The following RNMT variants were observed in gnomAD, a reference collection of about 807,000 sequenced individuals.
RNMT encodes the protein mRNA cap guanine-N(7) methyltransferase.
A neutral mutation model predicts 56.0 loss-of-function variants in RNMT; 27 were observed. That is an observed-to-expected ratio of 0.48 (90% CI 0.36 to 0.67). RNMT has a LOEUF of 0.67. Among genes scored for constraint, RNMT ranks in the 30% least tolerant of loss-of-function variants. RNMT has a pLI of 0.00. For missense variants in RNMT, 519 were observed against 552.1 expected (o/e 0.94, Z 0.60); for synonymous variants, 184 against 176.2 (o/e 1.04, Z -0.35).
intron 9 of RNMT, among the ~76,000 whole-genome samples, chr18:13,751,643 T>C (rs758537038): frequency 2.6e-5 from 4 of 152,222 alleles, no homozygotes; most frequent in Non-Finnish European, 5.9e-5. Context: ...TTATAAATCA[T>C]GCTGCTACAA....
At chr18:13,727,502 C>G (rs1372640967) in intron 1 of RNMT, among the ~76,000 whole-genome samples, 1 of 152,206 alleles carries the variant, frequency 6.6e-6, no homozygotes, top group Non-Finnish European at 1.5e-5. Context: ...CACATATTTG[C>G]AGGTGCAGGT....
chr18:13,756,099 T>C (rs1011205597), intron 11 of RNMT, among the ~76,000 whole-genome samples: 6 of 152,320 alleles, frequency 3.9e-5, no homozygotes, highest in Non-Finnish European at 8.8e-5. Flanking sequence ...AGGCTACATT[T>C]TAGACTTCTA....
Position 13,761,898 on chromosome 18 carries a change from G to T in RNMT, c.*1919G>T. 9.4e-6 allele frequency: 10 copies of T among 1,061,428 alleles called. No individual in the cohort carries two copies. The highest frequency in any genetic ancestry group is 7.3e-5 in the South Asian group (3 of 41,238). 65.8% of individuals were successfully genotyped at this position (1,061,428 alleles called of 1,614,324 possible). On this transcript the variant is annotated 3_prime_UTR_variant, in exon 12 of 12. Transcript: ENST00000383314. ...GTCTCCTTGTTACAATTAAGTTTCTGGATATTGACTTAAGAACTGTTAGGA... is the reference window on the plus strand; with the variant it reads ...GTCTCCTTGTTACAATTAAGTTTCTTGATATTGACTTAAGAACTGTTAGGA...
chr18:13,729,971 G>A (rs1339189861), intron 1 of RNMT, among the ~76,000 whole-genome samples: 1 of 152,004 alleles, frequency 6.6e-6, no homozygotes, highest in Non-Finnish European at 1.5e-5. Flanking sequence ...GCTATTTTTT[G>A]TAGAGACGGG....
chr18:13,737,788 C>G (rs1347615629), intron 5 of RNMT, among the ~76,000 whole-genome samples: 2 of 150,460 alleles, frequency 1.3e-5, no homozygotes, highest in Non-Finnish European at 1.5e-5. Flanking sequence ...TGCTAAGAAA[C>G]TATTCTGAAA....
At chr18:13,744,609 C>T (rs914013949) in intron 8 of RNMT, among the ~76,000 whole-genome samples, 4 of 152,140 alleles carry the variant, frequency 2.6e-5, no homozygotes, top group Admixed American at 1.3e-4. Context: ...AAATGAACTG[C>T]CTGGAATAAA....
Position 13,762,294 on chromosome 18 carries a change from G to T in RNMT, c.*2315G>T. ...GCTGATGTTGAATTCTTTGGGCCTA[G>T]AATATACTTGAGAAAGCACTAGTGG... On this transcript the variant is annotated 3_prime_UTR_variant, in exon 12 of 12. Coordinates refer to ENST00000383314, the MANE Select transcript of RNMT (RefSeq NM_003799.3). The T allele has an allele frequency of 2.5e-5, 26 of 1,060,450 alleles. No individual in the cohort carries two copies. Among genetic ancestry groups the T allele is most frequent in the Non-Finnish European group, 3.0e-5 (23 of 756,160 alleles). 65.7% of individuals were successfully genotyped at this position (1,060,450 alleles called of 1,614,324 possible). A position where few individuals can be genotyped will look rare whatever the true frequency, so the allele number is the denominator to read the frequency against.
intron 5 of RNMT, among the ~76,000 whole-genome samples, chr18:13,739,822 T>C (rs901550699): frequency 1.3e-5 from 2 of 152,216 alleles, no homozygotes; most frequent in African/African-American, 4.8e-5. Context: ...TAACATTTTA[T>C]TATAAAAATA....
At chr18:13,759,114 T>C (rs181322008) in intron 11 of RNMT, among the ~76,000 whole-genome samples, 3 of 152,200 alleles carry the variant, frequency 2.0e-5, no homozygotes, top group Admixed American at 2.0e-4. Context: ...TGACAAATAA[T>C]AATGGAAAAG....
chr18:13,742,676 C>G, intron 8 of RNMT, 24 bp downstream of exon 8: 1 of 1,556,372 alleles, frequency 6.4e-7, no homozygotes, highest in Non-Finnish European at 8.7e-7. Context: ...AATCTGTTCA[C>G]TCTTTTCTTT....
intron 11 of RNMT, among the ~76,000 whole-genome samples, chr18:13,757,053 AGT>A (rs2044555068): frequency 6.6e-6 from 1 of 152,212 alleles, no homozygotes; most frequent in Admixed American, 6.5e-5. Flanking sequence ...TTGGTTTCCC[AGT>A]GCATATAAAA....
chr18:13,757,094 G>A (rs768440958), intron 11 of RNMT, among the ~76,000 whole-genome samples: 57 of 152,224 alleles, frequency 3.7e-4, no homozygotes, highest in Non-Finnish European at 6.2e-4. Flanking sequence ...TGTTAAGTGT[G>A]TAGTAGTGTT....
At chr18:13,759,705 G>T (rs962390050) in intron 11 of RNMT, among the ~76,000 whole-genome samples, 23 of 152,016 alleles carry the variant, frequency 1.5e-4, no homozygotes, top group African/African-American at 5.5e-4. Flanking sequence ...TTTCCCATGG[G>T]CTGCAATATC....
chr18:13,742,631 T>G lies in RNMT; in HGVS notation c.1118T>G (p.Val373Gly). Reference protein sequence around the residue: ...EGVVDVPEFLVYFPLLNEMAK... With the variant: ...EGVVDVPEFLGYFPLLNEMAK... ...GTTGTGGATGTTCCTGAATTCTTGG[T>G]CTATTTTCCATTGCTAAATGAGTAA... Residue 373 changes from valine to glycine, a missense_variant, in exon 8 of 12, where the codon GTC becomes GGC. Val to Gly is a moderately radical substitution (Grantham distance 109). Coordinates refer to ENST00000383314, the MANE Select transcript of RNMT (RefSeq NM_003799.3). 1 of 1,613,398 alleles carries G rather than the reference T, an allele frequency of 6.2e-7. No individual in the cohort carries two copies. The highest frequency in any genetic ancestry group is 8.5e-7 in the Non-Finnish European group (1 of 1,179,690).
intron 11 of RNMT, among the ~76,000 whole-genome samples, chr18:13,758,109 T>A (rs551339294): frequency 6.6e-6 from 1 of 152,208 alleles, no homozygotes; most frequent in African/African-American, 2.4e-5. Flanking sequence ...TGAACAGATA[T>A]GCTGTCATCC....
intron 11 of RNMT, 104 bp from the exon 12 acceptor site, chr18:13,759,838 G>A: frequency 1.1e-6 from 1 of 928,428 alleles, no homozygotes; most frequent in South Asian, 1.5e-5. Context: ...CTCTTCAGAA[G>A]CTGCTTGAGA....
At chr18:13,759,886 TG>T (rs1454306161) in intron 11 of RNMT, 55 bp from the exon 12 acceptor site, 255 of 1,461,004 alleles carry the variant, frequency 1.7e-4, no homozygotes, top group Non-Finnish European at 5.2e-5. Flanking sequence ...CAAGACAGAT[TG>T]TTTTATTTAT....
chr18:13,734,415 T>A (rs1170865985), intron 3 of RNMT, 49 bp from the exon 4 acceptor site: 1 of 1,540,718 alleles, frequency 6.5e-7, no homozygotes, highest in African/African-American at 1.4e-5. Flanking sequence ...GAGGCTTATT[T>A]TTACCATGTT....
chr18:13,733,731 ATAATG>A (rs2044113677), intron 3 of RNMT, among the ~76,000 whole-genome samples: 1 of 152,198 alleles, frequency 6.6e-6, no homozygotes, highest in Non-Finnish European at 1.5e-5. Context: ...CTTTATAATA[ATAATG>A]TAATTATAGC....
Sources: gnomAD v4.1 joint callset for allele counts (sites outside exome capture counted in the v4.1 genomes callset) on GRCh38, gnomAD v4.1.1 for gene constraint, MANE v1.5 for transcripts, NCBI Gene and HGNC (gene_info 2026-07-23, HGNC 2026-07-21) for gene names.